PLEKHG6: variants seen among roughly 807,000 people sequenced by gnomAD.
PLEKHG6 encodes pleckstrin homology and RhoGEF domain containing G6, also known as pleckstrin homology domain-containing family G member 6.
PLEKHG6 carries 91 observed loss-of-function variants against 97.5 expected under a neutral mutation model. The ratio of observed to expected loss-of-function variants is 0.93; its 90% CI spans 0.79 to 1.11. The LOEUF (loss-of-function observed/expected upper bound fraction) is 1.11. PLEKHG6 is among the 50% of genes most tolerant of loss of function. PLEKHG6 has a pLI of 0.00. For missense variants in PLEKHG6, 1,044 were observed against 1,031.0 expected, an observed-to-expected ratio of 1.01 and a Z score of -0.17; for synonymous variants, 466 against 425.5, an observed-to-expected ratio of 1.10 and a Z score of -1.17.
At chr12:6,318,567 C>T (rs1947577528) in intron 11 of PLEKHG6, 147 bp downstream of exon 11, 1 of 1,222,954 alleles carries the variant, frequency 8.2e-7, no homozygotes, top group African/African-American at 1.5e-5. Context: ...CTGAGCCAGC[C>T]ACTTTGCCTG....
intron 1 of PLEKHG6, among the ~76,000 whole-genome samples, chr12:6,311,894 A>AG (rs376699889): frequency 1.4e-3 from 218 of 152,268 alleles, no homozygotes; most frequent in African/African-American, 5.1e-3. Context: ...AGACCAGTGC[A>AG]GGAGCTTGTA....
chr12:6,315,660 C>A lies in PLEKHG6; in HGVS notation c.555+11C>A. Reference sequence around the variant, plus strand: ...AAGATCATGACTGATGTGAGCCCCCCTCAGCCCCAGCCCCGGCCCCATCTT... The same window carrying A: ...AAGATCATGACTGATGTGAGCCCCCATCAGCCCCAGCCCCGGCCCCATCTT... On this transcript the variant is annotated intron_variant, in intron 5 of 15. Transcript: ENST00000684764. The surrounding 1 kb of genome is among the most constrained non-coding windows in gnomAD (Gnocchi z 4.5). The A allele has an allele frequency of 6.5e-7, 1 of 1,542,868 alleles. No homozygotes were observed. Among genetic ancestry groups the A allele is most frequent in the Non-Finnish European group, 8.9e-7 (1 of 1,123,876 alleles).
chr12:6,318,348 G>A lies in PLEKHG6; in HGVS notation c.1203G>A (p.Gly401=). The A allele has an allele frequency of 6.2e-7, 1 of 1,614,080 alleles. No homozygotes were observed. The highest frequency in any genetic ancestry group is 2.2e-5 in the East Asian group (1 of 44,864). The change falls in exon 11 of 16, where the codon GGG becomes GGA. Residue 401 remains glycine (G), a synonymous_variant. Transcript: ENST00000684764. The part of the protein sequence containing the change: ...STLDLTSPML[G]VASEHTRQLL... ...TGGACCTGACGTCCCCCATGCTGGG[G>A]GTTGCATCTGAGCACACCAGACAGC...
chr12:6,322,682 C>T (rs1437393700), intron 13 of PLEKHG6, among the ~76,000 whole-genome samples: 1 of 152,096 alleles, frequency 6.6e-6, no homozygotes, highest in African/African-American at 2.4e-5. Flanking sequence ...AAGTTCAAGA[C>T]CCAGCCTGGC....
At chr12:6,313,172 G>A (rs1343371035) in intron 2 of PLEKHG6, 1 of 1,550,264 alleles carries the variant, frequency 6.5e-7, no homozygotes, top group Non-Finnish European at 8.7e-7. Context: ...CGCCCCTGGG[G>A]AGAAGGCTGC....
chr12:6,324,393 C>T (rs1947803425), intron 13 of PLEKHG6, among the ~76,000 whole-genome samples: 1 of 152,062 alleles, frequency 6.6e-6, no homozygotes, highest in African/African-American at 2.4e-5. Context: ...ACCCTGCTTC[C>T]TTCCAGTTCT....
chr12:6,322,007 T>TA lies in PLEKHG6; in HGVS notation c.1524+2900dup, dbSNP rs1565460211. ...TCAATTTCGTCATCTGCAAAACAGA[T>TA]ATACACAATGACTACCTGCTTCCTA... is the stretch of plus-strand genomic sequence containing the variant. On this transcript the variant is annotated intron_variant, in intron 13 of 15. Coordinates refer to ENST00000684764, the MANE Select transcript of PLEKHG6 (RefSeq NM_001384598.1). 3.3e-5 allele frequency among the ~76,000 whole-genome samples: 5 copies of TA among 151,904 alleles called. No homozygotes were observed. In the South Asian group the frequency reaches 1.0e-3, roughly 32 times the overall value.
rs757955502 is a variant in PLEKHG6 at position 6,327,852 on chromosome 12, C to T, written c.2269C>T (p.Pro757Ser). ...CCAAAGGATTGAGGGGGCCGAGGAG[C>T]CCCGGGACAGCAGGCCACGGAAGCT... ...ASQRIEGAEE[P>S]RDSRPRKLTR... Residue 757 changes from proline (P) to serine (S), a missense_variant, in exon 15 of 16, where the codon CCC (proline) becomes TCC (serine). Pro to Ser is a moderately conservative substitution (Grantham distance 74). Coordinates refer to ENST00000684764, the MANE Select transcript of PLEKHG6 (RefSeq NM_001384598.1). 6 of 1,505,434 alleles carry T rather than the reference C, an allele frequency of 4.0e-6. No individual in the cohort carries two copies. The highest frequency in any genetic ancestry group is 5.3e-6 in the Non-Finnish European group (6 of 1,128,442). 93.3% of individuals were successfully genotyped at this position (1,505,434 alleles called of 1,614,324 possible).
At position 6,321,018 on chromosome 12, in the gene PLEKHG6, A is replaced by C. The variant is rs1287037778; in HGVS notation, c.1524+1910A>C. On this transcript the variant is annotated intron_variant, in intron 13 of 15. Coordinates refer to ENST00000684764, the MANE Select transcript of PLEKHG6 (RefSeq NM_001384598.1). ...GGTCAACAAGAGACAGCCACCGTGAATTCTTTTTTTTTTTCTTTTGAGACA... is the reference window on the plus strand; with the variant it reads ...GGTCAACAAGAGACAGCCACCGTGACTTCTTTTTTTTTTTCTTTTGAGACA... Among the ~76,000 whole-genome samples the C allele has an allele frequency of 2.0e-5, 3 of 149,110 alleles. 1 individual carries two copies. Among genetic ancestry groups the C allele is most frequent in the Non-Finnish European group, 1.5e-5 (1 of 67,964 alleles).
upstream of PLEKHG6, chr12:6,310,624 T>TC (rs1161822487): frequency 6.6e-6 from 1 of 151,962 alleles, no homozygotes; most frequent in Non-Finnish European, 1.5e-5. Flanking sequence ...GCCCCGCCCC[T>TC]CTGCCCCTCT....
rs757941607 is a variant in PLEKHG6, at chr12:6,313,743, G to C, written c.253G>C (p.Gly85Arg). 10 of 1,607,774 alleles carry C rather than the reference G, an allele frequency of 6.2e-6. No individual in the cohort carries two copies. In the East Asian group the frequency reaches 2.2e-4, roughly 36 times the overall value. ...RDPEPEKRHGGHVGAGLLHSP... is the reference protein window; with the variant it reads ...RDPEPEKRHGRHVGAGLLHSP... Reference sequence around the variant, plus strand: ...TCCAGAGCCCGAGAAGAGGCACGGGGGCCATGTGGGGGCTGGCCTGCTTCA... The same window carrying C: ...TCCAGAGCCCGAGAAGAGGCACGGGCGCCATGTGGGGGCTGGCCTGCTTCA... Residue 85 changes from glycine to arginine, a missense_variant, in exon 3 of 16, where the codon GGC (glycine) becomes CGC (arginine). By Grantham distance (125) the Gly-to-Arg change is moderately radical. Coordinates refer to ENST00000684764, the MANE Select transcript of PLEKHG6 (RefSeq NM_001384598.1).
chr12:6,316,306 C>T lies in PLEKHG6; in HGVS notation c.658C>T (p.Arg220Trp), dbSNP rs142732661. 412 of 1,556,726 alleles carry T rather than the reference C, an allele frequency of 2.6e-4. No individual in the cohort carries two copies. Among genetic ancestry groups the T allele is most frequent in the South Asian group, 2.0e-3 (169 of 84,346 alleles). The change falls in exon 7 of 16, where the codon CGG (arginine) becomes TGG (tryptophan). Residue 220 changes from arginine to tryptophan, a missense_variant. Arg to Trp is a moderately radical substitution (Grantham distance 101). Coordinates refer to ENST00000684764, the MANE Select transcript of PLEKHG6 (RefSeq NM_001384598.1). This position sits in a 1 kb window ranked among gnomAD's most constrained non-coding sequence, Gnocchi z 4.1. ...TGTCCCCAGCCTGATTCGAACCCAC[C>T]GGAGCTTTTGGGATGAGGTGCTGGG... is the stretch of plus-strand genomic sequence containing the variant. ...GNVPSLIRTH[R>W]SFWDEVLGPT...
At chr12:6,321,826 T>TAAA (rs57346521) in intron 13 of PLEKHG6, among the ~76,000 whole-genome samples, 3 of 97,382 alleles carry the variant, frequency 3.1e-5, no homozygotes, top group African/African-American at 9.2e-5. Flanking sequence ...GACTCTGTCT[T>TAAA]AAAAAAAAAA....
chr12:6,312,540 A>G, intron 2 of PLEKHG6, 176 bp downstream of exon 2: 1 of 1,119,252 alleles, frequency 8.9e-7, no homozygotes, highest in Non-Finnish European at 1.2e-6. Flanking sequence ...GGCTCCAGGG[A>G]TATCACACCC....
rs530581542 is a variant in PLEKHG6, at chr12:6,318,482, A to G, written c.1275+62A>G. The G allele has an allele frequency of 1.3e-4, 196 of 1,537,302 alleles. 1 individual carries two copies. In the East Asian group the frequency reaches 4.1e-3, roughly 32 times the overall value. On this transcript the variant is annotated intron_variant, in intron 11 of 15. Coordinates refer to ENST00000684764, the MANE Select transcript of PLEKHG6 (RefSeq NM_001384598.1). ...ACGGTGGGAGAAGGTAAGAGGCAGAAACGCCGGAAGTGGGAGAAGAGGGGT... is the reference window on the plus strand; with the variant it reads ...ACGGTGGGAGAAGGTAAGAGGCAGAGACGCCGGAAGTGGGAGAAGAGGGGT...
Position 6,327,646 on chromosome 12 carries a change from C to T in PLEKHG6, c.2063C>T (p.Ala688Val). Residue 688 changes from alanine (A) to valine (V), a missense_variant, in exon 15 of 16, where the codon GCC becomes GTC. Ala to Val is a moderately conservative substitution (Grantham distance 64). Coordinates refer to ENST00000684764, the MANE Select transcript of PLEKHG6 (RefSeq NM_001384598.1). ...GTGGTGGTGGAAACACTCCACAGGG[C>T]CCGGCTTCGGGGCCAGCTTCCCTCC... ...GNVVVETLHR[A>V]RLRGQLPSSP... The T allele has an allele frequency of 6.4e-7, 1 of 1,560,686 alleles. No individual in the cohort carries two copies. The highest frequency in any genetic ancestry group is 8.7e-7 in the Non-Finnish European group (1 of 1,148,738).
chr12:6,312,055 C>A, intron 1 of PLEKHG6, 104 bp from the exon 2 acceptor site: 1 of 509,048 alleles, frequency 2.0e-6, no homozygotes, highest in African/African-American at 2.0e-5. Flanking sequence ...CCTCTCCTCC[C>A]CCACTATACC....
chr12:6,317,802 G>T (rs1190548258), intron 9 of PLEKHG6, 55 bp from the exon 10 acceptor site: 51 of 1,542,086 alleles, frequency 3.3e-5, no homozygotes, highest in Non-Finnish European at 4.4e-5. Flanking sequence ...GGCTGGCATT[G>T]GTTGGGAGGG....
chr12:6,312,438 C>A, intron 2 of PLEKHG6, 74 bp downstream of exon 2: 1 of 1,441,916 alleles, frequency 6.9e-7, no homozygotes, highest in Non-Finnish European at 9.3e-7. Context: ...GAGTCTCTGT[C>A]CCCTTACAGG....
Sources: allele counts gnomAD v4.1 joint callset (sites outside exome capture counted in the v4.1 genomes callset), GRCh38; gene constraint gnomAD v4.1.1; non-coding constraint Gnocchi (gnomAD v3.1); transcripts MANE v1.5; gene names NCBI Gene and HGNC (gene_info 2026-07-23, HGNC 2026-07-21).